Variants in ABCB4 observed in about 807,000 individuals in gnomAD.
ABCB4 encodes ATP binding cassette subfamily B member 4.
Under a neutral mutation model 145.7 loss-of-function variants are expected in ABCB4, and 76 were observed. The observed-to-expected ratio is 0.52, with a 90% confidence interval of 0.43 to 0.63. The LOEUF is 0.63. Among genes scored for constraint, ABCB4 ranks in the 30% least tolerant of loss-of-function variants. ABCB4 has a pLI of 0.00. For missense variants in ABCB4, 1,234 were observed against 1,553.1 expected, an observed-to-expected ratio of 0.79 and a Z score of 3.45; for synonymous variants, 517 against 566.8, an observed-to-expected ratio of 0.91 and a Z score of 1.25.
rs756451321 is a variant in ABCB4 at position 87,418,526 on chromosome 7, A to G, written c.2478+11T>C. 3 of 1,613,172 alleles carry G rather than the reference A, an allele frequency of 1.9e-6. No individual in the cohort carries two copies. The highest frequency in any genetic ancestry group is 2.5e-6 in the Non-Finnish European group (3 of 1,179,082). ...ATGTAAAAAACTACAAGTAGAGTGCAGTCTACCTACTCCTTGGACTTGGGC... is the reference window on the plus strand; with the variant it reads ...ATGTAAAAAACTACAAGTAGAGTGCGGTCTACCTACTCCTTGGACTTGGGC... On this transcript the variant is annotated intron_variant, in intron 20 of 27. Coordinates refer to ENST00000649586, the MANE Select transcript of ABCB4 (RefSeq NM_000443.4).
At chr7:87,423,322 A>C (rs1340054487) in intron 17 of ABCB4, among the ~76,000 whole-genome samples, 1 of 152,178 alleles carries the variant, frequency 6.6e-6, no homozygotes, top group Non-Finnish European at 1.5e-5. Context: ...GGACTCCCCA[A>C]GCCTTGGAAG....
In ABCB4 at chr7:87,422,189, TCTG is replaced by T; in HGVS notation, c.2245_2247del (p.Gln749del). 1.2e-6 allele frequency: 2 copies of T among 1,613,822 alleles called. No homozygotes were observed. The highest frequency in any genetic ancestry group is 1.7e-6 in the Non-Finnish European group (2 of 1,179,790). On this transcript the variant is annotated inframe_deletion, in exon 18 of 28. Coordinates refer to ENST00000649586, the MANE Select transcript of ABCB4 (RefSeq NM_000443.4). ...AAAATCAAAGAGAATATGTTGCACT[TCTG>T]CTGCTTCACTGCATCATCGCCTGGT...
chr7:87,424,230 T>G (rs1809654139), intron 16 of ABCB4, among the ~76,000 whole-genome samples, 178 bp from the exon 17 acceptor site: 1 of 152,198 alleles, frequency 6.6e-6, no homozygotes, highest in African/African-American at 2.4e-5. Flanking sequence ...TGTTTACTGA[T>G]TACACATCAT....
intron 13 of ABCB4, among the ~76,000 whole-genome samples, 144 bp downstream of exon 13, chr7:87,440,039 ATAATCCTTTAACCCCT>A (rs2116687579): frequency 6.6e-6 from 1 of 152,348 alleles, no homozygotes; most frequent in South Asian, 2.1e-4. Flanking sequence ...CTACCATGCT[ATAATCCTTTAACCCCT>A]AACTGAGTCA....
intron 18 of ABCB4, 123 bp from the exon 19 acceptor site, chr7:87,420,198 A>G (rs899565122): frequency 1.4e-5 from 12 of 866,832 alleles, no homozygotes; most frequent in Non-Finnish European, 1.9e-5. Context: ...CGGATCCTCA[A>G]GTCATGTTAA....
At chr7:87,406,045 C>T (rs2116338899) in intron 26 of ABCB4, 1 of 568,244 alleles carries the variant, frequency 1.8e-6, no homozygotes, top group East Asian at 3.0e-5. Flanking sequence ...TAAATGCAGC[C>T]CTCAACCACC....
intron 18 of ABCB4, among the ~76,000 whole-genome samples, chr7:87,421,095 C>T (rs994615499): frequency 1.3e-5 from 2 of 152,162 alleles, no homozygotes; most frequent in African/African-American, 4.8e-5. Flanking sequence ...GGGACAATTT[C>T]CTACTTTCTA....
chr7:87,396,516 CA>C, the ABCB4 span, among the ~76,000 whole-genome samples: 1 of 151,908 alleles, frequency 6.6e-6, no homozygotes, highest in Non-Finnish European at 1.5e-5. Flanking sequence ...GCAAGTGGGG[CA>C]AGGGTTGGTA....
chr7:87,406,121 T>C lies in ABCB4; in HGVS notation c.3486+167A>G, dbSNP rs45494098. ...ACATTTGTATGAGGTAGGCATAATG[T>C]ATTCCCATTTACAAATAAGGAAGCT... On this transcript the variant is annotated intron_variant, in intron 26 of 27. Transcript: ENST00000649586. 1,000 of 691,118 alleles carry C rather than the reference T, an allele frequency of 1.4e-3. 2 individuals carry two copies. The highest frequency in any genetic ancestry group is 2.1e-3 in the Non-Finnish European group (817 of 393,662). 42.8% of individuals were successfully genotyped at this position (691,118 alleles called of 1,614,324 possible).
chr7:87,418,766 C>CA, intron 19 of ABCB4, 146 bp from the exon 20 acceptor site: 1 of 751,172 alleles, frequency 1.3e-6, no homozygotes, highest in Admixed American at 2.0e-5. Flanking sequence ...TCTGAGCACA[C>CA]ACCCCCAGAA....
chr7:87,444,463 G>A (rs1023854404), intron 10 of ABCB4, among the ~76,000 whole-genome samples: 1 of 151,920 alleles, frequency 6.6e-6, no homozygotes, highest in African/African-American at 2.4e-5. Context: ...TGGAGAGGGG[G>A]AACCCACAGC....
chr7:87,472,154 T>C (rs910740416), intron 3 of ABCB4, among the ~76,000 whole-genome samples: 3 of 152,198 alleles, frequency 2.0e-5, no homozygotes, highest in South Asian at 4.1e-4. Context: ...TCATTGACTA[T>C]AATAAGCCAA....
intron 14 of ABCB4, 105 bp downstream of exon 14, chr7:87,439,562 C>T (rs1810831667): frequency 7.7e-7 from 1 of 1,297,892 alleles, no homozygotes; most frequent in South Asian, 1.2e-5. Flanking sequence ...TGAGGTAGCT[C>T]CATTTGCTAT....
intron 3 of ABCB4, among the ~76,000 whole-genome samples, chr7:87,470,028 C>T (rs969745463): frequency 3.9e-5 from 6 of 152,090 alleles, no homozygotes; most frequent in Admixed American, 6.6e-5. Flanking sequence ...GAGATATAGA[C>T]CAATGGAACA....
At chr7:87,373,088 C>T in the ABCB4 span, among the ~76,000 whole-genome samples, 1 of 152,026 alleles carries the variant, frequency 6.6e-6, no homozygotes, top group African/African-American at 2.4e-5. Context: ...ATTAGGGTTC[C>T]AGTTTCTCCA....
At chr7:87,379,997 A>G in the ABCB4 span, among the ~76,000 whole-genome samples, 3 of 151,934 alleles carry the variant, frequency 2.0e-5, no homozygotes, top group African/African-American at 7.3e-5. Context: ...TATACTCCCA[A>G]CTACTTGGGA....
Position 87,444,850 on chromosome 7 carries a change from TA to T in ABCB4, c.1119+11del. On this transcript the variant is annotated intron_variant, in intron 10 of 27. Transcript: ENST00000649586. Reference sequence around the variant, plus strand: ...AAGACTTCTTTTGGCACTAAAATAATAAATGACTTACATTATCAATAATATC... The same window carrying T: ...AAGACTTCTTTTGGCACTAAAATAATAATGACTTACATTATCAATAATATC... The T allele has an allele frequency of 6.3e-7, 1 of 1,588,672 alleles. No individual in the cohort carries two copies. The highest frequency in any genetic ancestry group is 1.1e-5 in the South Asian group (1 of 89,164).
At chr7:87,450,404 GTAAAA>G (rs1012160506) in intron 7 of ABCB4, among the ~76,000 whole-genome samples, 1 of 151,574 alleles carries the variant, frequency 6.6e-6, no homozygotes, top group Non-Finnish European at 1.5e-5. Flanking sequence ...TAGTTGTAAG[GTAAAA>G]TAAAATAAAA....
intron 18 of ABCB4, among the ~76,000 whole-genome samples, 182 bp from the exon 19 acceptor site, chr7:87,420,257 C>G (rs1031984496): frequency 6.6e-5 from 10 of 152,144 alleles, no homozygotes; most frequent in African/African-American, 2.4e-4. Context: ...TAGCAGGAAC[C>G]TAAGTGCTCC....
Sources: gnomAD v4.1 joint callset for allele counts (sites outside exome capture counted in the v4.1 genomes callset) on GRCh38, gnomAD v4.1.1 for gene constraint, MANE v1.5 for transcripts, NCBI Gene and HGNC (gene_info 2026-07-23, HGNC 2026-07-21) for gene names.